The following INTS9 variants were observed in gnomAD, a reference collection of about 807,000 sequenced individuals.
The protein encoded by INTS9 is protein related to CPSF subunits of 74 kDa.
Under a neutral mutation model 79.7 loss-of-function variants are expected in INTS9, and 55 were observed. The observed-to-expected ratio is 0.69, with a 90% CI of 0.56 to 0.86. INTS9 has a LOEUF of 0.86. Ranked by LOEUF, INTS9 falls within the 40% of genes least tolerant of loss-of-function variation. The pLI, the probability that INTS9 is intolerant of heterozygous loss-of-function variation, is 0.00. For synonymous variants in INTS9, 319 were observed against 325.2 expected, an observed-to-expected ratio of 0.98 and a Z score of 0.20; for missense variants, 721 against 831.5, an observed-to-expected ratio of 0.87 and a Z score of 1.64.
At position 28,775,750 on chromosome 8, in the gene INTS9, A is replaced by C; in HGVS notation, c.1563+9T>G. 6.2e-7 allele frequency: 1 copy of C among 1,613,928 alleles called. No homozygotes were observed. Among genetic ancestry groups the C allele is most frequent in the Non-Finnish European group, 8.5e-7 (1 of 1,179,924 alleles). ...CTCTAGTTTAACCCTAGGAAGGAGAACAGCTCACCTCTGGCATGATCTCGA... is the reference window on the plus strand; with the variant it reads ...CTCTAGTTTAACCCTAGGAAGGAGACCAGCTCACCTCTGGCATGATCTCGA... On this transcript the variant is annotated intron_variant, in intron 14 of 16. Coordinates refer to ENST00000521022, the MANE Select transcript of INTS9 (RefSeq NM_018250.4).
intron 2 of INTS9, 138 bp downstream of exon 2, chr8:28,859,298 T>C: frequency 1.0e-6 from 1 of 958,082 alleles, no homozygotes; most frequent in East Asian, 2.6e-5. Flanking sequence ...CCAAAGGAAA[T>C]TATTTTGATA....
At chr8:28,859,661 C>T (rs778904056) in intron 1 of INTS9, 98 bp from the exon 2 acceptor site, 1 of 1,329,252 alleles carries the variant, frequency 7.5e-7, no homozygotes, top group Non-Finnish European at 1.1e-6. Context: ...TCTCATAAGA[C>T]CAGCGTGTTA....
At chr8:28,824,383 G>A (rs1232880595) in intron 6 of INTS9, among the ~76,000 whole-genome samples, 1 of 152,202 alleles carries the variant, frequency 6.6e-6, no homozygotes, top group Non-Finnish European at 1.5e-5. Context: ...TTATCTGGGT[G>A]CTGCTTCTGC....
At chr8:28,819,118 A>C (rs1212550603) in intron 6 of INTS9, among the ~76,000 whole-genome samples, 5 of 152,010 alleles carry the variant, frequency 3.3e-5, no homozygotes, top group African/African-American at 9.7e-5. Flanking sequence ...TGGATTCACT[A>C]ATTTTTGGAA....
intron 6 of INTS9, among the ~76,000 whole-genome samples, chr8:28,826,596 T>TTGCTTGCTGCTA (rs1247854884): frequency 1.3e-5 from 2 of 152,140 alleles, no homozygotes; most frequent in East Asian, 3.9e-4. Flanking sequence ...GAGTGTGAGG[T>TTGCTTGCTGCTA]AGATCAAGTG....
intron 13 of INTS9, chr8:28,776,359 C>T (rs1401097462): frequency 6.4e-6 from 1 of 155,124 alleles, no homozygotes; most frequent in Non-Finnish European, 1.4e-5. Flanking sequence ...TGCAGGTCAG[C>T]TGGTATTAGG....
In INTS9 at chr8:28,846,784, A is replaced by G. The variant is rs757582813; in HGVS notation, c.224T>C (p.Val75Ala). 14 of 1,613,752 alleles carry G rather than the reference A, an allele frequency of 8.7e-6. No homozygotes were observed. The South Asian group carries it at 1.3e-4, about 15-fold the overall frequency. The change falls in exon 4 of 17, where the codon GTA becomes GCA. Residue 75 changes from valine to alanine, a missense_variant. Coordinates refer to ENST00000521022, the MANE Select transcript of INTS9 (RefSeq NM_018250.4). The part of the protein sequence containing the change: ...DKELKECSGH[V>A]FVDSVPEFCL... Reference sequence around the variant, plus strand: ...GAATTCCGGCACAGAATCCACAAATACATGACCCGAGCACTCCTTTAGCTC... The same window carrying G: ...GAATTCCGGCACAGAATCCACAAATGCATGACCCGAGCACTCCTTTAGCTC...
chr8:28,821,246 C>T (rs79696900), intron 6 of INTS9, among the ~76,000 whole-genome samples: 14,635 of 152,046 alleles, frequency 0.096, 921 homozygotes, highest in South Asian at 0.27. Flanking sequence ...TTTAATTGGA[C>T]TTACAGTTCC....
chr8:28,827,000 C>T (rs1274761665), intron 6 of INTS9, among the ~76,000 whole-genome samples: 2 of 152,194 alleles, frequency 1.3e-5, no homozygotes, highest in Non-Finnish European at 2.9e-5. Flanking sequence ...TATCTCCTAA[C>T]ACATCTTGTC....
chr8:28,830,911 C>CA (rs1476410808), intron 6 of INTS9, among the ~76,000 whole-genome samples: 1 of 152,200 alleles, frequency 6.6e-6, no homozygotes, highest in African/African-American at 2.4e-5. Flanking sequence ...TTAGTCTCAA[C>CA]AGTTTCTGAT....
chr8:28,854,590 C>T (rs1384059033), intron 2 of INTS9, among the ~76,000 whole-genome samples: 2 of 152,132 alleles, frequency 1.3e-5, no homozygotes, highest in African/African-American at 4.8e-5. Flanking sequence ...AATCTTTATT[C>T]GCGTGTCACT....
chr8:28,835,438 C>T, intron 5 of INTS9, 60 bp from the exon 6 acceptor site: 2 of 1,239,928 alleles, frequency 1.6e-6, no homozygotes, highest in East Asian at 2.3e-5. Flanking sequence ...ACACCCCATA[C>T]TCTAACAGTT....
chr8:28,825,500 T>C (rs1355666237), intron 6 of INTS9, among the ~76,000 whole-genome samples: 1 of 152,198 alleles, frequency 6.6e-6, no homozygotes, highest in Non-Finnish European at 1.5e-5. Flanking sequence ...GTACTGCCAT[T>C]ACCCAGAACA....
At chr8:28,786,520 T>C (rs1803600146) in intron 11 of INTS9, among the ~76,000 whole-genome samples, 1 of 152,128 alleles carries the variant, frequency 6.6e-6, no homozygotes, top group African/African-American at 2.4e-5. Context: ...CTCAAATTCC[T>C]GGCCTCCAGT....
intron 4 of INTS9, among the ~76,000 whole-genome samples, chr8:28,845,798 CCCTTATCTGACA>C (rs1807477651): frequency 6.6e-6 from 1 of 152,214 alleles, no homozygotes; most frequent in Non-Finnish European, 1.5e-5. Context: ...CAAACTTTCT[CCCTTATCTGACA>C]CCTTCAATTA....
At position 28,780,962 on chromosome 8, in the gene INTS9, G is replaced by A. The variant is rs754925342; in HGVS notation, c.1131C>T (p.Pro377=). 3.1e-6 allele frequency: 5 copies of A among 1,613,920 alleles called. No individual in the cohort carries two copies. The highest frequency in any genetic ancestry group is 1.1e-5 in the South Asian group (1 of 91,080). The change falls in exon 12 of 17, where the codon CCC becomes CCT. Residue 377 remains proline (P), a synonymous_variant. Transcript: ENST00000521022. ...LIQTNKLKHY[P]SIHGDFSNDF... is the part of the protein sequence containing the mutation. ...CGTTGCTGAAGTCTCCGTGGATGCT[G>A]GGGTAGTGCTTCAGCTTATTGGTCT...
chr8:28,798,411 T>C (rs1804335825), intron 8 of INTS9: 1 of 152,186 alleles, frequency 6.6e-6, no homozygotes, highest in South Asian at 2.1e-4. Flanking sequence ...CCAATAATGA[T>C]CCCGAGGGCT....
Position 28,839,821 on chromosome 8 carries a change from C to A in INTS9, c.262-2045G>T, listed in dbSNP as rs868608664. ...TGGATTAAAGACTTAAACGTTAGAC[C>A]TAAAACCATAAAAACCCTAGAAGAA... On this transcript the variant is annotated intron_variant, in intron 4 of 16. Coordinates refer to ENST00000521022, the MANE Select transcript of INTS9 (RefSeq NM_018250.4). Among the ~76,000 whole-genome samples the A allele has an allele frequency of 5.5e-3, 827 of 149,696 alleles. 8 individuals are homozygous for A. Among genetic ancestry groups the A allele is most frequent in the African/African-American group, 0.02 (791 of 40,370 alleles).
chr8:28,793,536 A>C (rs1359203458), intron 10 of INTS9, among the ~76,000 whole-genome samples: 1 of 152,172 alleles, frequency 6.6e-6, no homozygotes, highest in Admixed American at 6.6e-5. Flanking sequence ...GTGACATGTG[A>C]TAAGTATATA....
Sources: gnomAD v4.1 joint callset for allele counts (sites outside exome capture counted in the v4.1 genomes callset) on GRCh38, gnomAD v4.1.1 for gene constraint, MANE v1.5 for transcripts, NCBI Gene and HGNC (gene_info 2026-07-23, HGNC 2026-07-21) for gene names.